Variants in PARM1 observed in about 807,000 individuals in gnomAD.
PARM1 encodes WSC4, cell wall integrity and stress response component 4 homolog.
Under a neutral mutation model 24.6 loss-of-function variants are expected in PARM1, and 14 were observed. That is an observed-to-expected ratio of 0.57 (90% CI 0.38 to 0.89). The LOEUF is 0.89. PARM1 is among the 40% of genes least tolerant of loss of function. The pLI, the probability that PARM1 is intolerant of heterozygous loss-of-function variation, is 0.00. For synonymous variants in PARM1, 179 were observed against 156.6 expected, an observed-to-expected ratio of 1.14 and a Z score of -1.07; for missense variants, 362 against 380.4, an observed-to-expected ratio of 0.95 and a Z score of 0.40.
rs958932898 is a variant in PARM1 at position 75,049,857 on chromosome 4, C to CTTTTTTTTTTTTTTT, written c.*3618_*3619insTTTTTTTTTTTTTTT. Reference sequence around the variant, plus strand: ...TGATTCACCTTCTTTGCCTTTAAGCCTTTTTTTTCTTTTTTTTTTTTTTGG... The same window carrying CTTTTTTTTTTTTTTT: ...TGATTCACCTTCTTTGCCTTTAAGCCTTTTTTTTTTTTTTTTTTTTTTTCTTTTTTTTTTTTTTGG... On this transcript the variant is annotated 3_prime_UTR_variant, in exon 4 of 4. Coordinates refer to ENST00000307428, the MANE Select transcript of PARM1 (RefSeq NM_015393.4). 3 of 138,688 alleles carry CTTTTTTTTTTTTTTT rather than the reference C, an allele frequency of 2.2e-5. No individual in the cohort carries two copies. The highest frequency in any genetic ancestry group is 3.0e-5 in the Non-Finnish European group (2 of 65,992). 8.6% of individuals were successfully genotyped at this position (138,688 alleles called of 1,614,324 possible).
At chr4:74,983,250 G>C (rs1212524444) in intron 1 of PARM1, among the ~76,000 whole-genome samples, 3 of 152,160 alleles carry the variant, frequency 2.0e-5, no homozygotes, top group Non-Finnish European at 4.4e-5. Flanking sequence ...TATGGTCTGG[G>C]AATAGGTTTT....
intron 1 of PARM1, among the ~76,000 whole-genome samples, chr4:75,000,241 C>G (rs566488755): frequency 6.6e-6 from 1 of 152,288 alleles, no homozygotes; most frequent in South Asian, 2.1e-4. Context: ...ACATAGTAGC[C>G]TCATATTGAT....
intron 3 of PARM1, among the ~76,000 whole-genome samples, chr4:75,038,150 G>C (rs1242614651): frequency 6.6e-6 from 1 of 152,098 alleles, no homozygotes; most frequent in Non-Finnish European, 1.5e-5. Context: ...CTTCTGACCT[G>C]GTGATCCGCC....
intron 2 of PARM1, among the ~76,000 whole-genome samples, chr4:75,020,082 C>A (rs1378766765): frequency 7.0e-6 from 1 of 142,924 alleles, no homozygotes; most frequent in East Asian, 2.1e-4. Flanking sequence ...AAGTTAATGA[C>A]CATCATGTTT....
chr4:75,027,596 A>G (rs1045423256), intron 2 of PARM1, among the ~76,000 whole-genome samples: 1 of 152,172 alleles, frequency 6.6e-6, no homozygotes, highest in Non-Finnish European at 1.5e-5. Flanking sequence ...TGCAGTTACC[A>G]TGTACCCTGG....
intron 1 of PARM1, chr4:74,994,055 G>A (rs1038344624): frequency 6.6e-6 from 1 of 152,128 alleles, no homozygotes; most frequent in South Asian, 2.1e-4. Flanking sequence ...TAAAATGGCA[G>A]AAGAAATATA....
chr4:74,976,045 T>C (rs548783880), intron 1 of PARM1, among the ~76,000 whole-genome samples: 4 of 152,274 alleles, frequency 2.6e-5, no homozygotes, highest in African/African-American at 9.6e-5. Context: ...GTGATTGTGC[T>C]ACCTCACCAG....
chr4:75,028,373 A>G (rs1226918884), intron 2 of PARM1, among the ~76,000 whole-genome samples: 2 of 152,192 alleles, frequency 1.3e-5, no homozygotes, highest in Admixed American at 1.3e-4. Context: ...GCTTTTAAAG[A>G]GAAAGAATTC....
rs185465497 is a variant in PARM1, at chr4:75,007,162, A to G, written c.44-5263A>G. 5.1e-3 allele frequency among the ~76,000 whole-genome samples: 776 copies of G among 152,330 alleles called. 8 individuals carry two copies. Among genetic ancestry groups the G allele is most frequent in the Non-Finnish European group, 4.9e-3 (334 of 68,038 alleles). On this transcript the variant is annotated intron_variant, in intron 1 of 3. Coordinates refer to ENST00000307428, the MANE Select transcript of PARM1 (RefSeq NM_015393.4). ...CTGGCCATGAGAGAAATGCAAAACA[A>G]AACCACAATGAGATACCATCTCACA...
At chr4:74,966,480 C>G (rs1365170004) in intron 1 of PARM1, among the ~76,000 whole-genome samples, 1 of 152,076 alleles carries the variant, frequency 6.6e-6, no homozygotes, top group Non-Finnish European at 1.5e-5. Context: ...AAGCCAAGAA[C>G]TTATACATCA....
chr4:75,022,046 C>T (rs888350724), intron 2 of PARM1, among the ~76,000 whole-genome samples: 1 of 152,220 alleles, frequency 6.6e-6, no homozygotes, highest in Non-Finnish European at 1.5e-5. Context: ...CTGCTTTCCA[C>T]AGTGGCTGAA....
intron 1 of PARM1, among the ~76,000 whole-genome samples, chr4:75,000,386 G>A (rs1412535492): frequency 1.3e-5 from 2 of 152,120 alleles, no homozygotes; most frequent in Admixed American, 1.3e-4. Flanking sequence ...AGGAAGTCTG[G>A]AGATAGGCAT....
At chr4:75,001,789 T>C (rs904404162) in intron 1 of PARM1, among the ~76,000 whole-genome samples, 2 of 152,142 alleles carry the variant, frequency 1.3e-5, no homozygotes, top group Admixed American at 6.5e-5. Context: ...AGCCCCTGGT[T>C]TCCTCTCCCC....
intron 1 of PARM1, among the ~76,000 whole-genome samples, chr4:74,964,196 T>C (rs1015179893): frequency 2.0e-5 from 3 of 152,176 alleles, no homozygotes; most frequent in Non-Finnish European, 2.9e-5. Context: ...ACAGTTCAAA[T>C]AATACTCTTC....
chr4:75,004,510 G>C (rs369214429), intron 1 of PARM1, among the ~76,000 whole-genome samples: 1 of 152,318 alleles, frequency 6.6e-6, no homozygotes, highest in Admixed American at 6.5e-5. Context: ...AGTCAGGGTA[G>C]AAAGAGCAGC....
In PARM1 at chr4:74,972,667, C is replaced by T. The variant is rs188754964; in HGVS notation, c.43+39297C>T. Among the ~76,000 whole-genome samples the T allele has an allele frequency of 5.9e-3, 900 of 151,756 alleles. 6 individuals carry two copies. Among genetic ancestry groups the T allele is most frequent in the South Asian group, 0.01 (48 of 4,800 alleles). On this transcript the variant is annotated intron_variant, in intron 1 of 3. Coordinates refer to ENST00000307428, the MANE Select transcript of PARM1 (RefSeq NM_015393.4). ...CTTAGCATGCTTATGAAAATTCTTC[C>T]GGTAAATACACAAAGTAGTACTTCA...
chr4:74,945,876 A>T (rs1008289105), intron 1 of PARM1, among the ~76,000 whole-genome samples: 3 of 152,232 alleles, frequency 2.0e-5, no homozygotes, highest in African/African-American at 7.2e-5. Context: ...TAAATGCTGG[A>T]GGATATGTTA....
chr4:75,026,685 A>G (rs1047903832), intron 2 of PARM1, among the ~76,000 whole-genome samples: 3 of 152,274 alleles, frequency 2.0e-5, no homozygotes, highest in Non-Finnish European at 2.9e-5. Flanking sequence ...AACCATTTAC[A>G]TGATCTCCTT....
intron 2 of PARM1, among the ~76,000 whole-genome samples, chr4:75,018,505 ATAG>A (rs1474861772): frequency 1.3e-5 from 2 of 152,214 alleles, no homozygotes; most frequent in East Asian, 3.8e-4. Flanking sequence ...TCATGCACTG[ATAG>A]TAGGCACGTC....
Sources: allele counts gnomAD v4.1 joint callset (sites outside exome capture counted in the v4.1 genomes callset), GRCh38; gene constraint gnomAD v4.1.1; transcripts MANE v1.5; gene names NCBI Gene and HGNC (gene_info 2026-07-23, HGNC 2026-07-21).